CASKIN2: variants seen among roughly 807,000 people sequenced by gnomAD.
CASKIN2 encodes CASK interacting protein 2, also known as caskin-2.
Under a neutral mutation model 107.1 loss-of-function variants are expected in CASKIN2, and 41 were observed. That is an observed-to-expected ratio of 0.38 (90% CI 0.30 to 0.50). The LOEUF (loss-of-function observed/expected upper bound fraction) is 0.50. Ranked by LOEUF, CASKIN2 falls within the 20% of genes least tolerant of loss-of-function variation. CASKIN2 has a pLI of 0.92. For missense variants in CASKIN2, 1,546 were observed against 1,657.4 expected (o/e 0.93, Z 1.17); for synonymous variants, 724 against 705.6 (o/e 1.03, Z -0.41).
chr17:75,505,588 G>C lies in CASKIN2; in HGVS notation c.899C>G (p.Ala300Gly). Residue 300 changes from alanine to glycine, a missense_variant, in exon 10 of 20, where the codon GCT (alanine) becomes GGT (glycine). By Grantham distance (60) the Ala-to-Gly change is moderately conservative. Coordinates refer to ENST00000321617, the MANE Select transcript of CASKIN2 (RefSeq NM_020753.5). This position sits in a 1 kb window ranked among gnomAD's most constrained non-coding sequence, Gnocchi z 5.1. ...GACATCCCCTGCCCGGACATTGAGAGCAGTGGGATCGTGGAGGTTCCAGAA... is the reference window on the plus strand; with the variant it reads ...GACATCCCCTGCCCGGACATTGAGACCAGTGGGATCGTGGAGGTTCCAGAA... ...KDFWNLHDPT[A>G]LNVRAGDVIT... 1.9e-6 allele frequency: 3 copies of C among 1,613,674 alleles called. No homozygotes were observed. Among genetic ancestry groups the C allele is most frequent in the Non-Finnish European group, 2.5e-6 (3 of 1,180,006 alleles).
At position 75,502,966 on chromosome 17, in the gene CASKIN2, G is replaced by C; in HGVS notation, c.2108C>G (p.Ala703Gly). 1.3e-6 allele frequency: 2 copies of C among 1,596,852 alleles called. No homozygotes were observed. The highest frequency in any genetic ancestry group is 1.7e-6 in the Non-Finnish European group (2 of 1,171,180). The change falls in exon 18 of 20, where the codon GCA (alanine) becomes GGA (glycine). Residue 703 changes from alanine (A) to glycine (G), a missense_variant. Coordinates refer to ENST00000321617, the MANE Select transcript of CASKIN2 (RefSeq NM_020753.5). This position sits in a 1 kb window ranked among gnomAD's most constrained non-coding sequence, Gnocchi z 4.3. The stretch of plus-strand genomic sequence containing the variant: ...TGAGTGGCCAGACCCCCGTGAGCGT[G>C]CCCCGATGCTCTCCTGGCTGGGAGA... ...ARSPSQESIG[A>G]RSRGSGHSQE...
chr17:75,511,735 G>A (rs997239777), intron 2 of CASKIN2, among the ~76,000 whole-genome samples: 7 of 152,154 alleles, frequency 4.6e-5, no homozygotes, highest in African/African-American at 2.4e-5. Context: ...CTTTGGGACT[G>A]AGGGAAGGGA....
At position 75,505,460 on chromosome 17, in the gene CASKIN2, G is replaced by C. The variant is rs1270491423; in HGVS notation, c.930+97C>G. On this transcript the variant is annotated intron_variant, in intron 10 of 19. Coordinates refer to ENST00000321617, the MANE Select transcript of CASKIN2 (RefSeq NM_020753.5). This position sits in a 1 kb window ranked among gnomAD's most constrained non-coding sequence, Gnocchi z 5.1. ...GAAGAATTAAATGAGGGTGCATATA[G>C]AGACCTCAGAGCAGAACGTGGTAAC... 8.9e-7 allele frequency: 1 copy of C among 1,120,568 alleles called. No individual in the cohort carries two copies. The highest frequency in any genetic ancestry group is 1.4e-6 in the Non-Finnish European group (1 of 737,212). The allele number at this position is 1,120,568 out of a possible 1,614,324, so 69.4% of individuals were successfully genotyped here.
At chr17:75,510,835 C>A (rs1414158100) in intron 2 of CASKIN2, among the ~76,000 whole-genome samples, 1 of 151,780 alleles carries the variant, frequency 6.6e-6, no homozygotes, top group Non-Finnish European at 1.5e-5. Flanking sequence ...AACTAGGAGT[C>A]CTGGGGGACT....
chr17:75,507,591 G>T lies in CASKIN2; in HGVS notation c.237C>A (p.Asp79Glu), dbSNP rs2053279134. ...LEAQATVDIKDSNGMRPLHYA... is the reference protein window; with the variant it reads ...LEAQATVDIKESNGMRPLHYA... ...GGCACATGGGGGTCTCACCATTGCTGTCCTTGATGTCAACAGTGGCCTGAG... is the reference window on the plus strand; with the variant it reads ...GGCACATGGGGGTCTCACCATTGCTTTCCTTGATGTCAACAGTGGCCTGAG... Residue 79 changes from aspartate to glutamate, a missense_variant, in exon 4 of 20, where the codon GAC (aspartate) becomes GAA (glutamate). Around this residue, in one of 6 missense-constraint regions of CASKIN2, gnomAD observed 136 missense variants for 198.6 expected, o/e 0.68. Transcript: ENST00000321617. 6.2e-7 allele frequency: 1 copy of T among 1,612,598 alleles called. No individual in the cohort carries two copies. Among genetic ancestry groups the T allele is most frequent in the Admixed American group, 1.7e-5 (1 of 59,986 alleles).
At chr17:75,508,177 T>G in intron 3 of CASKIN2, 57 bp downstream of exon 3, 1 of 1,579,924 alleles carries the variant, frequency 6.3e-7, no homozygotes, top group Non-Finnish European at 8.7e-7. Flanking sequence ...GCCCCACCCC[T>G]GGGGCTCTAC....
rs1475569858 is a variant in CASKIN2, at chr17:75,502,750, G to A, written c.2324C>T (p.Pro775Leu). 1.3e-6 allele frequency: 2 copies of A among 1,594,202 alleles called. No individual in the cohort carries two copies. The highest frequency in any genetic ancestry group is 3.4e-5 in the Admixed American group (2 of 58,504). ...CCCGGCCAAGTAGGAGAAGGCCCAG[G>A]GTGCGCCAGGAGGTGGCCCTGGGGC... is the stretch of plus-strand genomic sequence containing the variant. ...SPAPGPPPGA[P>L]WAFSYLAGPP... The change falls in exon 18 of 20, where the codon CCC (proline) becomes CTC (leucine). Residue 775 changes from proline to leucine, a missense_variant. By Grantham distance (98) the Pro-to-Leu change is moderately conservative (BLOSUM62 -3). This residue lies in a region of CASKIN2 where 1,311 missense variants were observed against 1,311.0 expected (regional missense o/e 1.00). Transcript: ENST00000321617. This position sits in a 1 kb window ranked among gnomAD's most constrained non-coding sequence, Gnocchi z 4.3.
chr17:75,502,216 G>A lies in CASKIN2; in HGVS notation c.2858C>T (p.Ala953Val), dbSNP rs1178608461. The change falls in exon 18 of 20, where the codon GCA becomes GTA. Residue 953 changes from alanine (A) to valine (V), a missense_variant. Physicochemically the swap from Ala to Val is moderately conservative, Grantham distance 64 (BLOSUM62 0). Around this residue, in one of 6 missense-constraint regions of CASKIN2, gnomAD observed 1,311 missense variants for 1,311.0 expected, o/e 1.00. Coordinates refer to ENST00000321617, the MANE Select transcript of CASKIN2 (RefSeq NM_020753.5). This position sits in a 1 kb window ranked among gnomAD's most constrained non-coding sequence, Gnocchi z 4.3. Reference protein sequence around the residue: ...RGSSGEGLPFAEEGNLTIKQR... With the variant: ...RGSSGEGLPFVEEGNLTIKQR... ...TTTGATGGTCAGGTTCCCTTCCTCT[G>A]CAAACGGCAGCCCTTCCCCAGAGCT... is the stretch of plus-strand genomic sequence containing the variant. The A allele has an allele frequency of 1.3e-6, 2 of 1,589,896 alleles. No individual in the cohort carries two copies. The highest frequency in any genetic ancestry group is 1.3e-5 in the African/African-American group (1 of 74,662).
chr17:75,503,009 G>C lies in CASKIN2; in HGVS notation c.2065C>G (p.Pro689Ala), dbSNP rs2053220540. ...AMAGGGPEPL[P>A]LPPARSPSQE... ...CTGGGAGAGCGGGCAGGTGGGAGGG[G>C]GAGTGGTTCAGGGCCACCCCCTGCC... The change falls in exon 18 of 20, where the codon CCC becomes GCC. Residue 689 changes from proline to alanine, a missense_variant. By Grantham distance (27) the Pro-to-Ala change is conservative (BLOSUM62 -1). Transcript: ENST00000321617. The C allele has an allele frequency of 5.6e-6, 9 of 1,606,376 alleles. No homozygotes were observed. The highest frequency in any genetic ancestry group is 7.6e-6 in the Non-Finnish European group (9 of 1,178,450).
At chr17:75,510,803 G>A (rs1437660388) in intron 2 of CASKIN2, among the ~76,000 whole-genome samples, 1 of 152,026 alleles carries the variant, frequency 6.6e-6, no homozygotes, top group Admixed American at 6.5e-5. Context: ...TGTTGCCCAG[G>A]CCAGTCTCAA....
At chr17:75,511,563 A>C (rs779336826) in intron 2 of CASKIN2, among the ~76,000 whole-genome samples, 3 of 152,216 alleles carry the variant, frequency 2.0e-5, no homozygotes, top group Non-Finnish European at 2.9e-5. Context: ...TTCATACACT[A>C]TAAGGTTTGC....
Position 75,513,852 on chromosome 17 carries a change from A to G in CASKIN2, c.-48T>C, listed in dbSNP as rs763222883. The stretch of plus-strand genomic sequence containing the variant: ...ACACTCAGGAGTCCAGGGCAAAGGC[A>G]GGCAACGGGTCCAAGCTGGGGCGTC... On this transcript the variant is annotated 5_prime_UTR_variant, in exon 2 of 20. Transcript: ENST00000321617. The G allele has an allele frequency of 1.3e-6, 2 of 1,569,830 alleles. No homozygotes were observed.
chr17:75,502,951 G>A lies in CASKIN2; in HGVS notation c.2123C>T (p.Ser708Phe), dbSNP rs1409011943. 3.2e-6 allele frequency: 5 copies of A among 1,582,702 alleles called. No individual in the cohort carries two copies. Among genetic ancestry groups the A allele is most frequent in the Non-Finnish European group, 4.3e-6 (5 of 1,163,524 alleles). Residue 708 changes from serine (S) to phenylalanine (F), a missense_variant, in exon 18 of 20, where the codon TCT (serine) becomes TTT (phenylalanine). Coordinates refer to ENST00000321617, the MANE Select transcript of CASKIN2 (RefSeq NM_020753.5). The surrounding 1 kb of genome is among the most constrained non-coding windows in gnomAD (Gnocchi z 4.3). ...GGCAGGCTGTTCCTGTGAGTGGCCA[G>A]ACCCCCGTGAGCGTGCCCCGATGCT... ...QESIGARSRGSGHSQEQPAPQ... is the reference protein window; with the variant it reads ...QESIGARSRGFGHSQEQPAPQ...
intron 2 of CASKIN2, chr17:75,509,735 C>G: frequency 1.0e-6 from 1 of 985,568 alleles, no homozygotes; most frequent in Non-Finnish European, 1.2e-6. Context: ...CTCTCTGAGC[C>G]CCAGTGGAGA....
At chr17:75,503,296 G>A (rs1433370821) in intron 17 of CASKIN2, 42 bp from the exon 18 acceptor site, 6 of 1,573,728 alleles carry the variant, frequency 3.8e-6, no homozygotes, top group Non-Finnish European at 5.2e-6. Flanking sequence ...CTGGGGCTGG[G>A]GTTGTCCTGG....
chr17:75,514,752 C>T (rs2053342580), intron 1 of CASKIN2, among the ~76,000 whole-genome samples: 1 of 152,218 alleles, frequency 6.6e-6, no homozygotes, highest in Non-Finnish European at 1.5e-5. Context: ...TCTGGCCCCC[C>T]ATTTCTGGGG....
At chr17:75,513,083 G>C (rs2053328171) in intron 2 of CASKIN2, among the ~76,000 whole-genome samples, 1 of 152,100 alleles carries the variant, frequency 6.6e-6, no homozygotes, top group African/African-American at 2.4e-5. Context: ...TCTGCTAGAA[G>C]GCAACTCCAC....
chr17:75,511,108 T>G (rs930249431), intron 2 of CASKIN2, among the ~76,000 whole-genome samples: 13 of 145,072 alleles, frequency 9.0e-5, no homozygotes, highest in Non-Finnish European at 1.8e-4. Context: ...TTGCCCAGGC[T>G]GGAGTGCAGT....
Position 75,501,945 on chromosome 17 carries a change from G to T in CASKIN2, c.3129C>A (p.Ser1043Arg). ...ASSLPQPEPS[S>R]LPAQGVPTPL... is the part of the protein sequence containing the mutation. ...GGGTTGGAACTCCTTGGGCTGGAAG[G>T]CTGCTGGGCTCGGGCTGGGGAAGGC... Residue 1043 changes from serine to arginine, a missense_variant, in exon 18 of 20, where the codon AGC becomes AGA. Coordinates refer to ENST00000321617, the MANE Select transcript of CASKIN2 (RefSeq NM_020753.5). 1 of 1,601,750 alleles carries T rather than the reference G, an allele frequency of 6.2e-7. No homozygotes were observed.
Sources: gnomAD v4.1 joint callset for allele counts (sites outside exome capture counted in the v4.1 genomes callset) on GRCh38, gnomAD v4.1.1 for gene constraint, gnomAD v4.1.1 regional missense constraint, Gnocchi (gnomAD v3.1) non-coding constraint, MANE v1.5 for transcripts, NCBI Gene and HGNC (gene_info 2026-07-23, HGNC 2026-07-21) for gene names.